The following CNTN6 variants were observed in gnomAD, a reference collection of about 807,000 sequenced individuals.
CNTN6 encodes the protein contactin 6, also known as contactin-6.
A neutral mutation model predicts 122.8 loss-of-function variants in CNTN6; 137 were observed. The observed-to-expected ratio is 1.12, with a 90% CI of 0.97 to 1.29. The LOEUF (loss-of-function observed/expected upper bound fraction) is 1.29, where lower values mean the gene tolerates loss of function less well. CNTN6 is among the 50% of genes most tolerant of loss of function. The probability of loss-of-function intolerance (pLI) is 0.00; values close to 1 mark genes in which losing one functional copy is unlikely to be tolerated. For missense variants in CNTN6, 1,634 were observed against 1,223.4 expected (o/e 1.34, Z -5.01); for synonymous variants, 570 against 426.0 (o/e 1.34, Z -4.16).
intron 20 of CNTN6, among the ~76,000 whole-genome samples, chr3:1,389,317 T>A (rs1398232606): frequency 3.9e-5 from 6 of 151,982 alleles, no homozygotes; most frequent in Non-Finnish European, 7.4e-5. Context: ...AAACTAAGCT[T>A]CATAAGTGAA....
chr3:1,357,833 A>ATATGTAAATTTTACATAAATGCACATT (rs1706822263), intron 12 of CNTN6, among the ~76,000 whole-genome samples: 3 of 151,408 alleles, frequency 2.0e-5, no homozygotes, highest in Admixed American at 1.3e-4. Flanking sequence ...ACATTTTATT[A>ATATGTAAATTTTACATAAATGCACATT]TATGTAAATT....
intron 11 of CNTN6, among the ~76,000 whole-genome samples, chr3:1,332,651 C>T (rs1359281722): frequency 6.6e-6 from 1 of 151,954 alleles, no homozygotes; most frequent in Non-Finnish European, 1.5e-5. Context: ...AAAAAGATTT[C>T]AGCCCCCACC....
At chr3:1,311,310 TATAAAATGTATATATACATATATGTAC>T (rs1175559747) in intron 7 of CNTN6, among the ~76,000 whole-genome samples, 26 of 143,180 alleles carry the variant, frequency 1.8e-4, no homozygotes, top group African/African-American at 6.4e-4. Context: ...TATATGTACA[TATAAAATGTATATATACATATATGTAC>T]ATATAAAATG....
chr3:1,387,548 A>C (rs1011146281), intron 20 of CNTN6, among the ~76,000 whole-genome samples: 1 of 152,148 alleles, frequency 6.6e-6, no homozygotes, highest in Non-Finnish European at 1.5e-5. Flanking sequence ...ACTCACAGAA[A>C]CTCTTGTGTG....
chr3:1,175,790 C>T (rs983419153), intron 2 of CNTN6, among the ~76,000 whole-genome samples: 14 of 146,138 alleles, frequency 9.6e-5, no homozygotes, highest in African/African-American at 3.2e-4. Flanking sequence ...TAGTGTGATG[C>T]GGGACTCTTG....
chr3:1,377,804 G>A (rs1159515522), intron 17 of CNTN6, among the ~76,000 whole-genome samples: 1 of 152,144 alleles, frequency 6.6e-6, no homozygotes, highest in Admixed American at 6.5e-5. Flanking sequence ...GTAGAAGGTT[G>A]GTGTTGGTAG....
chr3:1,309,060 A>G (rs1242708829), intron 7 of CNTN6, among the ~76,000 whole-genome samples: 2 of 152,140 alleles, frequency 1.3e-5, no homozygotes, highest in South Asian at 2.1e-4. Context: ...CGTTTTGCCA[A>G]TATTTTCTCC....
At chr3:1,337,876 C>G (rs779516873) in intron 11 of CNTN6, among the ~76,000 whole-genome samples, 1 of 152,102 alleles carries the variant, frequency 6.6e-6, no homozygotes, top group Non-Finnish European at 1.5e-5. Flanking sequence ...GTCTTGTTTT[C>G]ATTTTCCCCT....
intron 20 of CNTN6, among the ~76,000 whole-genome samples, chr3:1,388,748 G>A (rs1291095472): frequency 1.0e-4 from 15 of 149,282 alleles, no homozygotes; most frequent in Middle Eastern, 3.2e-3. Flanking sequence ...ACCAAGGCTC[G>A]AGAACTACGT....
At chr3:1,383,670 A>AAAAAC (rs1692296468) in intron 19 of CNTN6, among the ~76,000 whole-genome samples, 1 of 151,026 alleles carries the variant, frequency 6.6e-6, no homozygotes, top group African/African-American at 2.5e-5. Context: ...AAAACAAAAA[A>AAAAAC]AAACAGCTTT....
chr3:1,275,547 A>G (rs1282887438), intron 4 of CNTN6, among the ~76,000 whole-genome samples: 2 of 152,170 alleles, frequency 1.3e-5, no homozygotes, highest in Non-Finnish European at 2.9e-5. Context: ...GCTCGTGCCA[A>G]AAGTTTAAGA....
intron 17 of CNTN6, among the ~76,000 whole-genome samples, chr3:1,378,943 T>C (rs970841387): frequency 1.3e-5 from 2 of 152,178 alleles, no homozygotes; most frequent in African/African-American, 2.4e-5. Flanking sequence ...AACACTGACT[T>C]TCAAATGAGT....
At chr3:1,385,901 G>T in intron 20 of CNTN6, 104 bp downstream of exon 20, 2 of 1,097,904 alleles carry the variant, frequency 1.8e-6, no homozygotes, top group Non-Finnish European at 2.5e-6. Flanking sequence ...TTTACTAATT[G>T]GTTACTTTGG....
At chr3:1,269,854 G>A (rs948425930) in intron 4 of CNTN6, among the ~76,000 whole-genome samples, 13 of 151,834 alleles carry the variant, frequency 8.6e-5, no homozygotes, top group South Asian at 4.2e-4. Flanking sequence ...AAGAAACAAC[G>A]CATTTTTTTC....
chr3:1,178,995 C>A (rs560309138), intron 2 of CNTN6, among the ~76,000 whole-genome samples: 41 of 152,224 alleles, frequency 2.7e-4, no homozygotes, highest in African/African-American at 8.2e-4. Flanking sequence ...TATTTTGGCT[C>A]GTGGTTCTGC....
chr3:1,348,409 C>A (rs917789372), intron 11 of CNTN6, among the ~76,000 whole-genome samples: 9 of 151,870 alleles, frequency 5.9e-5, no homozygotes, highest in African/African-American at 2.2e-4. Context: ...TCTTCCAGAG[C>A]AGGGGAACGG....
chr3:1,129,357 C>G (rs1206620737), intron 1 of CNTN6, among the ~76,000 whole-genome samples: 1 of 151,994 alleles, frequency 6.6e-6, no homozygotes, highest in Non-Finnish European at 1.5e-5. Flanking sequence ...ATCCTCCATT[C>G]CCAGGCGACT....
intron 7 of CNTN6, among the ~76,000 whole-genome samples, chr3:1,310,464 C>T (rs559778527): frequency 5.3e-5 from 8 of 152,164 alleles, no homozygotes; most frequent in Non-Finnish European, 7.4e-5. Context: ...CAAGACAAGT[C>T]CTATTTTGTT....
At chr3:1,301,142 T>C (rs1212286036) in intron 7 of CNTN6, among the ~76,000 whole-genome samples, 1 of 149,562 alleles carries the variant, frequency 6.7e-6, no homozygotes, top group African/African-American at 2.5e-5. Context: ...GTTCAAGTGA[T>C]TCTCCTGCCT....
Sources: gnomAD v4.1 joint callset for allele counts (sites outside exome capture counted in the v4.1 genomes callset) on GRCh38, gnomAD v4.1.1 for gene constraint, MANE v1.5 for transcripts, NCBI Gene and HGNC (gene_info 2026-07-23, HGNC 2026-07-21) for gene names.